Variants in ASB2 observed in about 807,000 individuals in gnomAD.
ASB2 encodes the protein ankyrin repeat and SOCS box protein 2.
ASB2 carries 58 observed loss-of-function variants against 62.4 expected under a neutral mutation model. The ratio of observed to expected loss-of-function variants is 0.93; its 90% confidence interval spans 0.75 to 1.16. ASB2 has a LOEUF of 1.16. Among genes scored for constraint, ASB2 ranks in the 50% most tolerant of loss-of-function variants. ASB2 has a pLI of 0.00. For missense variants in ASB2, 928 were observed against 887.9 expected (o/e 1.05, Z -0.57); for synonymous variants, 386 against 385.3 (o/e 1.00, Z -0.02).
At position 93,970,855 on chromosome 14, in the gene ASB2, C is replaced by A. The variant is rs2141321828; in HGVS notation, c.-74+5579G>T. Reference sequence around the variant, plus strand: ...AAATGAAGATATTAATGGCATCCTGCCTGTGGAGGTGTTGTCAGGTGAAAT... The same window carrying A: ...AAATGAAGATATTAATGGCATCCTGACTGTGGAGGTGTTGTCAGGTGAAAT... On this transcript the variant is annotated intron_variant, in intron 1 of 9. Transcript: ENST00000555019. Among the ~76,000 whole-genome samples the A allele has an allele frequency of 1.3e-5, 2 of 152,290 alleles. 1 individual carries two copies. Among genetic ancestry groups the A allele is most frequent in the South Asian group, 4.1e-4 (2 of 4,826 alleles).
intron 5 of ASB2, 93 bp from the exon 6 acceptor site, chr14:93,951,337 A>G: frequency 7.0e-7 from 1 of 1,424,374 alleles, no homozygotes; most frequent in Non-Finnish European, 9.4e-7. Flanking sequence ...TCACTCATCC[A>G]CTCATTCAGC....
At chr14:93,963,266 G>A (rs1018673584) in intron 2 of ASB2, among the ~76,000 whole-genome samples, 2 of 152,214 alleles carry the variant, frequency 1.3e-5, no homozygotes, top group African/African-American at 4.8e-5. Flanking sequence ...CTGAGGTCAC[G>A]CAGGGAGCCA....
chr14:93,964,322 C>T lies in ASB2; in HGVS notation c.206+12G>A, dbSNP rs1261591563. On this transcript the variant is annotated intron_variant, in intron 2 of 9. Coordinates refer to ENST00000555019, the MANE Select transcript of ASB2 (RefSeq NM_001202429.2). ...ATGGCCCCACTTCCCTCATCAGCCT[C>T]GCCTTGCTCACCTGGTCCATGGGTA... 10 of 1,535,938 alleles carry T rather than the reference C, an allele frequency of 6.5e-6. No individual in the cohort carries two copies. In the East Asian group the frequency reaches 1.2e-4, roughly 19 times the overall value.
intron 3 of ASB2, among the ~76,000 whole-genome samples, chr14:93,956,153 A>C (rs944470006): frequency 6.6e-6 from 1 of 152,156 alleles, no homozygotes; most frequent in Non-Finnish European, 1.5e-5. Context: ...CCAGGGGTAC[A>C]GAGAGGGGAG....
At chr14:93,974,313 A>C (rs764194263) in intron 1 of ASB2, among the ~76,000 whole-genome samples, 11 of 152,174 alleles carry the variant, frequency 7.2e-5, no homozygotes, top group Non-Finnish European at 1.5e-4. Flanking sequence ...CCCAACCACA[A>C]AGCTCTTAAT....
In ASB2 at chr14:93,934,635, C is replaced by T; in HGVS notation, c.*21G>A. On this transcript the variant is annotated 3_prime_UTR_variant, in exon 10 of 10. Coordinates refer to ENST00000555019, the MANE Select transcript of ASB2 (RefSeq NM_001202429.2). ...AGTAAGAAGAGTCTGAGGGGCTACT[C>T]CTCTCTCCCCGTGGCCCCAGTTACT... 3 of 1,613,380 alleles carry T rather than the reference C, an allele frequency of 1.9e-6. No homozygotes were observed. Among genetic ancestry groups the T allele is most frequent in the South Asian group, 2.2e-5 (2 of 91,056 alleles).
Position 93,964,197 on chromosome 14 carries a change from A to G in ASB2, c.206+137T>C, listed in dbSNP as rs1889505135. 3 of 762,404 alleles carry G rather than the reference A, an allele frequency of 3.9e-6. No individual in the cohort carries two copies. The South Asian group carries it at 4.8e-5, about 12-fold the overall frequency. The allele number at this position is 762,404 out of a possible 1,614,324, so 47.2% of individuals were successfully genotyped here. A position where few individuals can be genotyped will look rare whatever the true frequency, so the allele number is the denominator to read the frequency against. On this transcript the variant is annotated intron_variant, in intron 2 of 9. Coordinates refer to ENST00000555019, the MANE Select transcript of ASB2 (RefSeq NM_001202429.2). ...AGCCAGAGCTTGGTAAGTTCAGATA[A>G]CAAATGTAAATGGGAAAGGTGTGAA...
chr14:93,953,238 A>G (rs1889037575), intron 5 of ASB2, 114 bp downstream of exon 5: 2 of 942,114 alleles, frequency 2.1e-6, no homozygotes, highest in African/African-American at 1.7e-5. Flanking sequence ...TAAATTGTGC[A>G]TTTGAGCAGG....
chr14:93,958,432 G>T (rs755626747), intron 2 of ASB2, among the ~76,000 whole-genome samples: 22 of 152,146 alleles, frequency 1.4e-4, no homozygotes, highest in Non-Finnish European at 2.9e-4. Context: ...TGAAGGCCTG[G>T]CCTCTTCCTG....
intron 9 of ASB2, among the ~76,000 whole-genome samples, chr14:93,935,472 C>T (rs1461544259): frequency 6.6e-6 from 1 of 152,164 alleles, no homozygotes; most frequent in Non-Finnish European, 1.5e-5. Flanking sequence ...CTGAGCCCCT[C>T]TGTTGCACCT....
At chr14:93,942,452 C>T (rs1271109416) in intron 7 of ASB2, among the ~76,000 whole-genome samples, 1 of 152,220 alleles carries the variant, frequency 6.6e-6, no homozygotes, top group Non-Finnish European at 1.5e-5. Context: ...TGAGCTGTCT[C>T]TGACCTTGGA....
At chr14:93,960,950 GATAAATAAATAA>G (rs3063040) in intron 2 of ASB2, among the ~76,000 whole-genome samples, 82 of 144,824 alleles carry the variant, frequency 5.7e-4, no homozygotes, top group Non-Finnish European at 9.8e-4. Context: ...GGGCACTGGA[GATAAATAAATAA>G]ATAAATAAAT....
At position 93,937,796 on chromosome 14, in the gene ASB2, T is replaced by C. The variant is rs1371814193; in HGVS notation, c.1673A>G (p.Asp558Gly). ...GTTGCCCACGTAGTCCAGGAGGACA[T>C]CGATGATGGGCCCCGCCCAGCGGCT... ...EVSRWAGPIIDVLLDYVGNVQ... is the reference protein window; with the variant it reads ...EVSRWAGPIIGVLLDYVGNVQ... The change falls in exon 9 of 10, where the codon GAT becomes GGT. Residue 558 changes from aspartate to glycine, a missense_variant. Coordinates refer to ENST00000555019, the MANE Select transcript of ASB2 (RefSeq NM_001202429.2). 6.2e-7 allele frequency: 1 copy of C among 1,611,670 alleles called. No homozygotes were observed. Among genetic ancestry groups the C allele is most frequent in the African/African-American group, 1.3e-5 (1 of 74,860 alleles).
chr14:93,957,175 T>C (rs1209570577), intron 2 of ASB2: 25 of 1,292,132 alleles, frequency 1.9e-5, no homozygotes, highest in Non-Finnish European at 2.5e-5. Context: ...AAGAGGCAGA[T>C]AGGAAGCAAG....
chr14:93,934,534 C>A lies in ASB2; in HGVS notation c.*122G>T, dbSNP rs1888199632. 3 of 973,368 alleles carry A rather than the reference C, an allele frequency of 3.1e-6. No homozygotes were observed. Among genetic ancestry groups the A allele is most frequent in the Admixed American group, 4.0e-5 (2 of 50,560 alleles). 60.3% of individuals were successfully genotyped at this position (973,368 alleles called of 1,614,324 possible). A position where few individuals can be genotyped will look rare whatever the true frequency, so the allele number is the denominator to read the frequency against. ...AGTGAGATCCTGGTAGCTGTCCAGGCTGAGAGGGAGGCAGCCTGCAGCCTC... is the reference window on the plus strand; with the variant it reads ...AGTGAGATCCTGGTAGCTGTCCAGGATGAGAGGGAGGCAGCCTGCAGCCTC... On this transcript the variant is annotated 3_prime_UTR_variant, in exon 10 of 10. Transcript: ENST00000555019.
chr14:93,973,212 C>T lies in ASB2; in HGVS notation c.-74+3222G>A, dbSNP rs79170862. Reference sequence around the variant, plus strand: ...CTGTCCAAAGCTGGCTCTGCTCCCACGCCAGCAGACACTCTGTGCCCATTG... The same window carrying T: ...CTGTCCAAAGCTGGCTCTGCTCCCATGCCAGCAGACACTCTGTGCCCATTG... On this transcript the variant is annotated intron_variant, in intron 1 of 9. Coordinates refer to ENST00000555019, the MANE Select transcript of ASB2 (RefSeq NM_001202429.2). Among the ~76,000 whole-genome samples, 854 of 152,308 alleles carry T rather than the reference C, an allele frequency of 5.6e-3. 12 individuals carry two copies. Among genetic ancestry groups the T allele is most frequent in the African/African-American group, 0.019 (809 of 41,566 alleles).
chr14:93,939,575 C>T lies in ASB2; in HGVS notation c.1150G>A (p.Val384Met). Residue 384 changes from valine (V) to methionine (M), a missense_variant, in exon 8 of 10, where the codon GTG becomes ATG. Val to Met is a conservative substitution (Grantham distance 21). Coordinates refer to ENST00000555019, the MANE Select transcript of ASB2 (RefSeq NM_001202429.2). ...HLAAERNHDE[V>M]LEALLSARFD... ...CGCGCGCTCAGCAGCGCCTCCAGCACCTCGTCGTGGTTGCGCTCGGCCGCC... is the reference window on the plus strand; with the variant it reads ...CGCGCGCTCAGCAGCGCCTCCAGCATCTCGTCGTGGTTGCGCTCGGCCGCC... The T allele has an allele frequency of 1.3e-6, 2 of 1,585,942 alleles. No homozygotes were observed. The highest frequency in any genetic ancestry group is 1.1e-5 in the South Asian group (1 of 88,866).
chr14:93,937,835 G>C lies in ASB2; in HGVS notation c.1634C>G (p.Ser545Cys). Residue 545 changes from serine (S) to cysteine (C), a missense_variant, in exon 9 of 10, where the codon TCT becomes TGT. Transcript: ENST00000555019. ...CGCCCAGCGGCTCACCTCTGGGGCA[G>C]ATACGAACTCACAGAACTGAAAGAG... ...PSVVQFCEFVSAPEVSRWAGP... is the reference protein window; with the variant it reads ...PSVVQFCEFVCAPEVSRWAGP... The C allele has an allele frequency of 6.3e-7, 1 of 1,599,612 alleles. No homozygotes were observed. The highest frequency in any genetic ancestry group is 1.3e-5 in the African/African-American group (1 of 74,842).
rs1478123202 is a variant in ASB2 at position 93,938,532 on chromosome 14, G to T, written c.1617+576C>A. Among the ~76,000 whole-genome samples, 7 of 152,096 alleles carry T rather than the reference G, an allele frequency of 4.6e-5. No homozygotes were observed. In the East Asian group the frequency reaches 1.2e-3, roughly 25 times the overall value. On this transcript the variant is annotated intron_variant, in intron 8 of 9. Transcript: ENST00000555019. ...TGGGATTACAGGCGTGAGCCACCGCGCCCGGCCAAGTTCTGACTTTTAAAG... is the reference window on the plus strand; with the variant it reads ...TGGGATTACAGGCGTGAGCCACCGCTCCCGGCCAAGTTCTGACTTTTAAAG...
Sources: gnomAD v4.1 joint callset for allele counts (sites outside exome capture counted in the v4.1 genomes callset) on GRCh38, gnomAD v4.1.1 for gene constraint, MANE v1.5 for transcripts, NCBI Gene and HGNC (gene_info 2026-07-23, HGNC 2026-07-21) for gene names.